PFKFB3: variants seen among roughly 807,000 people sequenced by gnomAD.
The protein encoded by PFKFB3 is 6-phosphofructo-2-kinase/fructose-2,6-bisphosphatase 3.
Under a neutral mutation model 68.0 loss-of-function variants are expected in PFKFB3, and 33 were observed. That is an observed-to-expected ratio of 0.49 (90% CI 0.37 to 0.65). The LOEUF is 0.65. PFKFB3 is among the 30% of genes least tolerant of loss of function. The probability of loss-of-function intolerance (pLI) is 0.00; values close to 1 mark genes in which losing one functional copy is unlikely to be tolerated. For synonymous variants in PFKFB3, 315 were observed against 288.2 expected (o/e 1.09, Z -0.94); for missense variants, 586 against 712.2 (o/e 0.82, Z 2.02).
chr10:6,252,670 A>C (rs1846406897), intron 14 of PFKFB3, among the ~76,000 whole-genome samples: 1 of 152,240 alleles, frequency 6.6e-6, no homozygotes, highest in Admixed American at 6.5e-5. Context: ...ACTATGGAAA[A>C]CTATGTGATA....
Position 6,216,826 on chromosome 10 carries a change from A to C in PFKFB3, c.441+46A>C, listed in dbSNP as rs11812743. ...TGTGCTAGAGGGCTCGGGAGAGAGG[A>C]AAAGGCTTCAGGAAGCGGCCTGAGT... On this transcript the variant is annotated intron_variant, in intron 5 of 14. Transcript: ENST00000379775. The C allele has an allele frequency of 0.013, 18,880 of 1,428,606 alleles. 1,917 individuals are homozygous for C. The African/African-American group carries it at 0.23, about 17-fold the overall frequency. The allele number at this position is 1,428,606 out of a possible 1,614,324, so 88.5% of individuals were successfully genotyped here.
chr10:6,240,436 C>T (rs568292344), downstream of PFKFB3, among the ~76,000 whole-genome samples: 2 of 151,180 alleles, frequency 1.3e-5, no homozygotes, highest in Non-Finnish European at 3.0e-5. Context: ...AGATAATTTT[C>T]GCATTTTTAG....
intron 14 of PFKFB3, among the ~76,000 whole-genome samples, chr10:6,244,291 G>C (rs867953753): frequency 7.1e-4 from 108 of 152,194 alleles, no homozygotes; most frequent in Non-Finnish European, 1.4e-3. Flanking sequence ...AGGGAAACAC[G>C]AAGTGAAGGC....
rs368989673 is a variant in PFKFB3, at chr10:6,232,911, G to A, written c.1532G>A (p.Arg511Gln). ...TGAAAACAGAACATGAAAGGCTCCCGGAGCAGCGCTGACTCCTCCAGGAAA... is the reference window on the plus strand; with the variant it reads ...TGAAAACAGAACATGAAAGGCTCCCAGAGCAGCGCTGACTCCTCCAGGAAA... ...QLPGQNMKGS[R>Q]SSADSSRKH The change falls in exon 15 of 15, where the codon CGG becomes CAG. Residue 511 changes from arginine (R) to glutamine (Q), a missense_variant. Transcript: ENST00000379775. The A allele has an allele frequency of 3.2e-5, 51 of 1,613,120 alleles. No homozygotes were observed. The highest frequency in any genetic ancestry group is 3.8e-5 in the Non-Finnish European group (45 of 1,179,506).
intron 1 of PFKFB3, among the ~76,000 whole-genome samples, chr10:6,187,131 C>CAA (rs1842887011): frequency 2.0e-5 from 3 of 151,222 alleles, no homozygotes; most frequent in Admixed American, 1.3e-4. Flanking sequence ...GAGGCCAAGG[C>CAA]GGGCAGATCA....
intron 1 of PFKFB3, among the ~76,000 whole-genome samples, chr10:6,196,398 A>G (rs1320486929): frequency 6.6e-6 from 1 of 152,076 alleles, no homozygotes; most frequent in African/African-American, 2.4e-5. Context: ...TTTATTAAGG[A>G]GCATTGACTC....
Position 6,223,666 on chromosome 10 carries a change from A to G in PFKFB3, c.1214-292A>G, listed in dbSNP as rs557190501. On this transcript the variant is annotated intron_variant, in intron 11 of 14. Transcript: ENST00000379775. ...AGACAAAGTTTTGCTCTTCTTGCGCAGGCTGCAGTGCAATGCATGCACTCA... is the reference window on the plus strand; with the variant it reads ...AGACAAAGTTTTGCTCTTCTTGCGCGGGCTGCAGTGCAATGCATGCACTCA... Among the ~76,000 whole-genome samples the G allele has an allele frequency of 5.3e-5, 8 of 152,220 alleles. No homozygotes were observed. In the South Asian group the frequency reaches 1.5e-3, roughly 28 times the overall value.
Position 6,145,100 on chromosome 10 carries a change from G to A in PFKFB3, c.16+87G>A, listed in dbSNP as rs1293103923. 5 of 1,105,696 alleles carry A rather than the reference G, an allele frequency of 4.5e-6. 1 individual carries two copies. The South Asian group carries it at 8.2e-5, about 18-fold the overall frequency. 68.5% of individuals were successfully genotyped at this position (1,105,696 alleles called of 1,614,324 possible). ...GTGGGTACCCGAGCCTTGGGTCCTC[G>A]CCAGGCGCGGAAGCACTGTGCACCC... On this transcript the variant is annotated intron_variant, in intron 1 of 14. Transcript: ENST00000379789.
At chr10:6,322,635 A>G in the PFKFB3 span, among the ~76,000 whole-genome samples, 1 of 152,200 alleles carries the variant, frequency 6.6e-6, no homozygotes, top group African/African-American at 2.4e-5. Context: ...CTCCAGTAAC[A>G]CTGATGTCCT....
intron 1 of PFKFB3, among the ~76,000 whole-genome samples, chr10:6,188,294 C>T (rs944917106): frequency 2.0e-5 from 3 of 151,570 alleles, no homozygotes; most frequent in Non-Finnish European, 2.9e-5. Context: ...CAAGTCTCAC[C>T]AATTTTCCCA....
In PFKFB3 at chr10:6,203,347, C is replaced by T. The variant is rs752254978; in HGVS notation, c.76+11C>T. The stretch of plus-strand genomic sequence containing the variant: ...CCTCGTTGCCCAGATGTGAGTGCAG[C>T]TGCGCGGAGCCGGGTTGCAGGGCGG... On this transcript the variant is annotated intron_variant, in intron 1 of 14. Coordinates refer to ENST00000379775, the MANE Select transcript of PFKFB3 (RefSeq NM_004566.4). 65 of 1,593,260 alleles carry T rather than the reference C, an allele frequency of 4.1e-5. No individual in the cohort carries two copies. Among genetic ancestry groups the T allele is most frequent in the East Asian group, 1.4e-4 (6 of 43,094 alleles).
rs1845524901 is a variant in PFKFB3 at position 6,228,707 on chromosome 10, CCTGAG to C, written c.1515+2345_1515+2349del. On this transcript the variant is annotated intron_variant, in intron 14 of 14. Transcript: ENST00000379775. This position sits in a 1 kb window ranked among gnomAD's most constrained non-coding sequence, Gnocchi z 4.5. ...GGGGAATAGTGGGAGTGTGGTGGGG[CCTGAG>C]CTCTGAGCCTCTCCCTCCCCATGAG... 6.6e-6 allele frequency among the ~76,000 whole-genome samples: 1 copy of C among 152,116 alleles called. No individual in the cohort carries two copies. The highest frequency in any genetic ancestry group is 1.9e-4 in the East Asian group (1 of 5,188).
chr10:6,198,577 G>T (rs529513088), upstream of PFKFB3, among the ~76,000 whole-genome samples: 1 of 152,302 alleles, frequency 6.6e-6, no homozygotes, highest in South Asian at 2.1e-4. Flanking sequence ...CCACCTCCTG[G>T]GTTCAAGTGA....
rs1844889262 is a variant in PFKFB3 at position 6,220,656 on chromosome 10, A to T, written c.624-2A>T. On this transcript the variant is annotated splice_acceptor_variant, in intron 7 of 14. Coordinates refer to ENST00000379775, the MANE Select transcript of PFKFB3 (RefSeq NM_004566.4). LOFTEE classifies it high-confidence loss of function. The surrounding 1 kb of genome is among the most constrained non-coding windows in gnomAD (Gnocchi z 4.1). ...GTGGTTCTCGGTGGGGTCTCTCTGC[A>T]GGGACTTGTCGCTGATCAAGGTGAT... 1.2e-6 allele frequency: 2 copies of T among 1,606,400 alleles called. No homozygotes were observed. Among genetic ancestry groups the T allele is most frequent in the Non-Finnish European group, 1.7e-6 (2 of 1,176,842 alleles).
chr10:6,203,094 T>A lies in PFKFB3; in HGVS notation c.-167T>A. ...ACGTCGAGCCCCGCACAGGCGAGGG[T>A]CCGGAACTTAGCCCAAAGCACGTTT... On this transcript the variant is annotated 5_prime_UTR_variant, in exon 1 of 15. Transcript: ENST00000379775. The A allele has an allele frequency of 6.9e-7, 1 of 1,451,310 alleles. No homozygotes were observed. The highest frequency in any genetic ancestry group is 9.0e-7 in the Non-Finnish European group (1 of 1,106,946). 89.9% of individuals were successfully genotyped at this position (1,451,310 alleles called of 1,614,324 possible). A position where few individuals can be genotyped will look rare whatever the true frequency, so the allele number is the denominator to read the frequency against.
chr10:6,247,451 C>T (rs1454993038), intron 14 of PFKFB3, among the ~76,000 whole-genome samples: 1 of 152,230 alleles, frequency 6.6e-6, no homozygotes, highest in Non-Finnish European at 1.5e-5. Context: ...TAGGCAGTGA[C>T]ATCCATCCGC....
Position 6,233,038 on chromosome 10 carries a change from G to C in PFKFB3, c.*96G>C. The C allele has an allele frequency of 3.1e-6, 3 of 964,236 alleles. No individual in the cohort carries two copies. The Admixed American group carries it at 5.1e-5, about 17-fold the overall frequency. 59.7% of individuals were successfully genotyped at this position (964,236 alleles called of 1,614,324 possible). ...AAAACGTATCCTGAGGACTTCTTCC[G>C]GAGAGGGTGGGGTGGAGCAGCGGGG... On this transcript the variant is annotated 3_prime_UTR_variant, in exon 15 of 15. Transcript: ENST00000379775.
chr10:6,258,103 A>G (rs35338402), downstream of PFKFB3, among the ~76,000 whole-genome samples: 35,730 of 152,092 alleles, frequency 0.23, 5,109 homozygotes, highest in African/African-American at 0.39. Context: ...AGTAGAGTTC[A>G]AAGTACATCG....
chr10:6,235,357 T>G lies in PFKFB3; in HGVS notation c.*2415T>G, dbSNP rs879764156. On this transcript the variant is annotated 3_prime_UTR_variant, in exon 15 of 15. Coordinates refer to ENST00000379775, the MANE Select transcript of PFKFB3 (RefSeq NM_004566.4). ...GAAAGCTGTAGAGATTGGGTTTCATTGTTAATTGGTTTGGGAGCCTCCTAT... is the reference window on the plus strand; with the variant it reads ...GAAAGCTGTAGAGATTGGGTTTCATGGTTAATTGGTTTGGGAGCCTCCTAT... 2 of 152,456 alleles carry G rather than the reference T, an allele frequency of 1.3e-5. No individual in the cohort carries two copies. Among genetic ancestry groups the G allele is most frequent in the Non-Finnish European group, 1.5e-5 (1 of 68,034 alleles). 9.4% of individuals were successfully genotyped at this position (152,456 alleles called of 1,614,324 possible).
Sources: allele counts gnomAD v4.1 joint callset (sites outside exome capture counted in the v4.1 genomes callset), GRCh38; gene constraint gnomAD v4.1.1; non-coding constraint Gnocchi (gnomAD v3.1); transcripts MANE v1.5; gene names NCBI Gene and HGNC (gene_info 2026-07-23, HGNC 2026-07-21).